Variants in SPMIP2 observed in about 807,000 individuals in gnomAD.
SPMIP2 encodes protein SPMIP2.
the SPMIP2 span, among the ~76,000 whole-genome samples, chr4:159,028,892 C>T: frequency 5.9e-5 from 9 of 152,042 alleles, no homozygotes; most frequent in African/African-American, 1.4e-4. Flanking sequence ...CTCAGGAGTT[C>T]GAGACCAGCC....
the SPMIP2 span, among the ~76,000 whole-genome samples, chr4:158,977,901 A>G: frequency 0.032 from 4,861 of 152,138 alleles, 257 homozygotes; most frequent in African/African-American, 0.11. Context: ...TGTGAGCCAC[A>G]GCACCCAGCC....
chr4:158,910,892 A>T, the SPMIP2 span, among the ~76,000 whole-genome samples: 62 of 152,292 alleles, frequency 4.1e-4, 1 homozygote, highest in African/African-American at 1.5e-3. Context: ...CATGCACAAC[A>T]CACACATCAT....
the SPMIP2 span, among the ~76,000 whole-genome samples, chr4:158,958,090 C>A: frequency 6.6e-6 from 1 of 152,234 alleles, no homozygotes; most frequent in South Asian, 2.1e-4. Flanking sequence ...CTCCCGGGCT[C>A]AAGTGTTCCT....
chr4:158,909,364 T>C, the SPMIP2 span: 9 of 152,022 alleles, frequency 5.9e-5, no homozygotes, highest in Non-Finnish European at 1.0e-4. Flanking sequence ...TTTTTTTTTT[T>C]CCTTTTCGTG....
At chr4:159,008,221 T>C in the SPMIP2 span, among the ~76,000 whole-genome samples, 1 of 152,260 alleles carries the variant, frequency 6.6e-6, no homozygotes, top group Non-Finnish European at 1.5e-5. Context: ...TATTGTGACT[T>C]CAGATTTTAT....
At chr4:158,938,861 C>T in the SPMIP2 span, among the ~76,000 whole-genome samples, 1 of 152,212 alleles carries the variant, frequency 6.6e-6, no homozygotes, top group South Asian at 2.1e-4. Flanking sequence ...CTGCACACAG[C>T]CTCAGAGGCA....
the SPMIP2 span, among the ~76,000 whole-genome samples, chr4:159,052,308 C>G: frequency 6.6e-6 from 1 of 152,156 alleles, no homozygotes; most frequent in East Asian, 1.9e-4. Flanking sequence ...GACCTACATT[C>G]CTGCATGGTA....
At chr4:158,993,859 C>T in the SPMIP2 span, among the ~76,000 whole-genome samples, 1 of 152,194 alleles carries the variant, frequency 6.6e-6, no homozygotes, top group Non-Finnish European at 1.5e-5. Flanking sequence ...TCCTTAAAAA[C>T]ATGAAATAAC....
At chr4:158,923,257 A>G in the SPMIP2 span, among the ~76,000 whole-genome samples, 169 of 152,334 alleles carry the variant, frequency 1.1e-3, no homozygotes, top group Middle Eastern at 3.4e-3. Context: ...TTTCCATTTG[A>G]ATTTTAGGAT....
At chr4:158,980,528 G>A in the SPMIP2 span, among the ~76,000 whole-genome samples, 7 of 152,244 alleles carry the variant, frequency 4.6e-5, no homozygotes, top group Non-Finnish European at 1.0e-4. Context: ...AATCTTTGCT[G>A]TTCTGCAGCC....
the SPMIP2 span, among the ~76,000 whole-genome samples, chr4:159,063,822 G>A: frequency 2.0e-5 from 3 of 152,146 alleles, no homozygotes; most frequent in Non-Finnish European, 4.4e-5. Flanking sequence ...AAATTGGTTT[G>A]AGCAATGGTT....
chr4:158,927,558 C>G, the SPMIP2 span, among the ~76,000 whole-genome samples: 12 of 152,198 alleles, frequency 7.9e-5, no homozygotes, highest in Admixed American at 7.2e-4. Context: ...CACAGCCCTC[C>G]CTCGCTCTCG....
At chr4:159,077,998 A>G in the SPMIP2 span, among the ~76,000 whole-genome samples, 5 of 152,156 alleles carry the variant, frequency 3.3e-5, no homozygotes, top group Non-Finnish European at 5.9e-5. Flanking sequence ...AATAACATAG[A>G]AAAAAAGGCA....
chr4:158,914,910 C>T, the SPMIP2 span, among the ~76,000 whole-genome samples: 1 of 152,206 alleles, frequency 6.6e-6, no homozygotes, highest in African/African-American at 2.4e-5. Context: ...GGTCGCCATT[C>T]TCTCAAGGTT....
the SPMIP2 span, among the ~76,000 whole-genome samples, chr4:159,029,540 TC>T: frequency 5.9e-5 from 9 of 152,172 alleles, no homozygotes; most frequent in African/African-American, 2.2e-4. Flanking sequence ...CTAAATAAAT[TC>T]CAAGATCCAT....
chr4:159,027,457 G>C, the SPMIP2 span, among the ~76,000 whole-genome samples: 62 of 152,250 alleles, frequency 4.1e-4, no homozygotes, highest in Non-Finnish European at 7.2e-4. Flanking sequence ...CAAACTGCAT[G>C]CTATGACAAC....
chr4:158,943,312 A>G, the SPMIP2 span, among the ~76,000 whole-genome samples: 219 of 152,272 alleles, frequency 1.4e-3, no homozygotes, highest in African/African-American at 4.5e-3. Context: ...AGTTGCCCCA[A>G]TTCCAATTTT....
chr4:158,930,805 C>A, the SPMIP2 span, among the ~76,000 whole-genome samples: 2 of 152,154 alleles, frequency 1.3e-5, no homozygotes, highest in Non-Finnish European at 2.9e-5. Context: ...CTGTGCCCAG[C>A]CTTTACTAAG....
At chr4:159,029,812 A>AT in the SPMIP2 span, among the ~76,000 whole-genome samples, 1 of 152,122 alleles carries the variant, frequency 6.6e-6, no homozygotes, top group African/African-American at 2.4e-5. Flanking sequence ...AAAAGAGAAC[A>AT]TTTTTTTCAT....
Sources: allele counts gnomAD v4.1 joint callset (sites outside exome capture counted in the v4.1 genomes callset), GRCh38; gene constraint gnomAD v4.1.1; transcripts MANE v1.5; gene names NCBI Gene and HGNC (gene_info 2026-07-23, HGNC 2026-07-21).